Variants in ZNF208 observed in about 807,000 individuals in gnomAD.
ZNF208 encodes zinc finger protein 95.
ZNF208 carries 10 observed loss-of-function variants against 12.1 expected under a neutral mutation model. The observed-to-expected ratio is 0.83, with a 90% CI of 0.51 to 1.40. ZNF208 has a LOEUF of 1.40. ZNF208 is among the 40% of genes most tolerant of loss of function. ZNF208 has a pLI of 0.00. For synonymous variants in ZNF208, 497 were observed against 488.4 expected, an observed-to-expected ratio of 1.02 and a Z score of -0.23; for missense variants, 1,652 against 1,485.0, an observed-to-expected ratio of 1.11 and a Z score of -1.85.
chr19:21,979,253 A>C (rs1434865493), intron 3 of ZNF208, among the ~76,000 whole-genome samples: 1 of 152,184 alleles, frequency 6.6e-6, no homozygotes, highest in Non-Finnish European at 1.5e-5. Context: ...CCTCGAGAAG[A>C]GCAACCCCAA....
chr19:21,945,906 G>GA (rs36107625), intron 4 of ZNF208, among the ~76,000 whole-genome samples: 82,998 of 149,048 alleles, frequency 0.56, 23,165 homozygotes, highest in East Asian at 0.69. Flanking sequence ...AAGCAGCTTG[G>GA]AAAAAAAAAA....
chr19:22,002,873 AAG>A (rs1380136715), intron 1 of ZNF208, among the ~76,000 whole-genome samples: 1 of 152,234 alleles, frequency 6.6e-6, no homozygotes, highest in East Asian at 1.9e-4. Context: ...GGAACCAAAA[AAG>A]AGCCTGAATA....
intron 1 of ZNF208, among the ~76,000 whole-genome samples, chr19:21,990,233 T>C (rs1225701988): frequency 6.6e-6 from 1 of 152,194 alleles, no homozygotes; most frequent in African/African-American, 2.4e-5. Flanking sequence ...AGTTTAAGTC[T>C]TTAATCCATC....
At chr19:21,999,457 C>A (rs530067196) in intron 1 of ZNF208, among the ~76,000 whole-genome samples, 10 of 152,166 alleles carry the variant, frequency 6.6e-5, no homozygotes, top group Non-Finnish European at 1.5e-4. Flanking sequence ...AGTCTATACA[C>A]TGAACTCTTC....
At chr19:22,004,214 A>G (rs1353453113) in intron 1 of ZNF208, among the ~76,000 whole-genome samples, 1 of 151,844 alleles carries the variant, frequency 6.6e-6, no homozygotes, top group Non-Finnish European at 1.5e-5. Flanking sequence ...TTATTAATAA[A>G]CTTAATAAAA....
At chr19:21,960,508 C>T (rs1970046410) in intron 4 of ZNF208, among the ~76,000 whole-genome samples, 1 of 152,160 alleles carries the variant, frequency 6.6e-6, no homozygotes, top group African/African-American at 2.4e-5. Flanking sequence ...CAATGGAATG[C>T]TCTTTATTCC....
chr19:21,984,514 T>C (rs1260607251), intron 3 of ZNF208, among the ~76,000 whole-genome samples: 1 of 152,024 alleles, frequency 6.6e-6, no homozygotes, highest in Non-Finnish European at 1.5e-5. Flanking sequence ...GATAATGCCA[T>C]TGCACTCCAG....
In ZNF208 at chr19:21,974,464, T is replaced by C. The variant is rs770995253; in HGVS notation, c.570A>G (p.Gln190=). The change falls in exon 4 of 4, where the codon CAA becomes CAG. Residue 190 remains glutamine, a synonymous_variant. Transcript: ENST00000397126. The stretch of plus-strand genomic sequence containing the variant: ...TCTCTCTAGTATAAATTCTTTTATG[T>C]TGAGATAGGTGTGAAAGCATGCAAA... The part of the protein sequence containing the change: ...RSFCMLSHLS[Q]HKRIYTRENS... The C allele has an allele frequency of 2.5e-6, 4 of 1,613,610 alleles. No homozygotes were observed. In the African/African-American group the frequency reaches 5.3e-5, roughly 22 times the overall value.
At chr19:21,944,415 A>G (rs1226706173) in intron 4 of ZNF208, among the ~76,000 whole-genome samples, 1 of 152,232 alleles carries the variant, frequency 6.6e-6, no homozygotes, top group Admixed American at 6.5e-5. Context: ...GTTATTCCAC[A>G]ACAAATCATC....
intron 4 of ZNF208, among the ~76,000 whole-genome samples, chr19:21,941,900 T>TA (rs555889079): frequency 1.6e-4 from 24 of 148,726 alleles, no homozygotes; most frequent in East Asian, 5.9e-4. Context: ...AAAGACAACG[T>TA]AAAAAAAAAA....
rs778156623 is a variant in ZNF208, at chr19:21,971,678, C to T, written c.3356G>A (p.Gly1119Asp). The T allele has an allele frequency of 8.7e-6, 14 of 1,613,596 alleles. No individual in the cohort carries two copies. The highest frequency in any genetic ancestry group is 2.2e-5 in the South Asian group (2 of 91,066). Reference protein sequence around the residue: ...GEKPYKCEECGKSFSTFSILT... With the variant: ...GEKPYKCEECDKSFSTFSILT... ...GATTGAGAACGTACTAAAGCTTTTG[C>T]CACATTCTTCACATTTGTAGGGTTT... The change falls in exon 4 of 4, where the codon GGC (glycine) becomes GAC (aspartate). Residue 1119 changes from glycine (G) to aspartate (D), a missense_variant. Physicochemically the swap from Gly to Asp is moderately conservative, Grantham distance 94. Around this residue, in one of 3 missense-constraint regions of ZNF208, gnomAD observed 1,239 missense variants for 1,086.2 expected, o/e 1.14. Transcript: ENST00000397126.
intron 1 of ZNF208, among the ~76,000 whole-genome samples, chr19:22,010,117 G>A (rs1229811954): frequency 2.6e-5 from 4 of 151,984 alleles, no homozygotes; most frequent in Non-Finnish European, 5.9e-5. Context: ...CCCGGGAGGC[G>A]GAGCTTGCAG....
chr19:21,963,796 G>C (rs1338643424), downstream of ZNF208, among the ~76,000 whole-genome samples: 1 of 151,892 alleles, frequency 6.6e-6, no homozygotes, highest in African/African-American at 2.4e-5. Context: ...AATAGTAGTT[G>C]AATGTTTTTA....
At chr19:21,955,279 C>G (rs1417894066) in intron 4 of ZNF208, among the ~76,000 whole-genome samples, 1 of 152,188 alleles carries the variant, frequency 6.6e-6, no homozygotes, top group Non-Finnish European at 1.5e-5. Context: ...TCCATTTCAA[C>G]TTTGATGAAT....
chr19:21,942,691 C>T (rs1282744289), intron 4 of ZNF208, among the ~76,000 whole-genome samples: 1 of 151,942 alleles, frequency 6.6e-6, no homozygotes, highest in Non-Finnish European at 1.5e-5. Flanking sequence ...CACTGTCATC[C>T]GGGCTGGAAT....
At position 21,943,111 on chromosome 19, in the gene ZNF208, T is replaced by C. The variant is rs114998972; in HGVS notation, c.306-9874A>G. 7.4e-3 allele frequency among the ~76,000 whole-genome samples: 1,127 copies of C among 152,322 alleles called. 14 individuals are homozygous for C. Among genetic ancestry groups the C allele is most frequent in the African/African-American group, 0.026 (1,086 of 41,558 alleles). On this transcript the variant is annotated intron_variant, in intron 4 of 4. Coordinates refer to the ZNF208 transcript ENST00000599916. The stretch of plus-strand genomic sequence containing the variant: ...TAAAAAATCAACTGGAAGGCACTTT[T>C]ATAACCTTGCACCACGTAAGAAAAA...
At chr19:21,996,118 T>C (rs1315347701) in intron 1 of ZNF208, among the ~76,000 whole-genome samples, 2 of 152,178 alleles carry the variant, frequency 1.3e-5, no homozygotes, top group African/African-American at 4.8e-5. Flanking sequence ...ATATTCTAAA[T>C]AATATTTTAC....
At chr19:21,997,644 C>G (rs190831062) in intron 1 of ZNF208, 149 of 160,200 alleles carry the variant, frequency 9.3e-4, no homozygotes, top group Non-Finnish European at 1.6e-3. Flanking sequence ...ACTCCAGTGG[C>G]ACATCAGACA....
rs143154732 is a variant in ZNF208, at chr19:21,981,814, T to C, written c.226+5402A>G. 3.9e-5 allele frequency among the ~76,000 whole-genome samples: 6 copies of C among 152,218 alleles called. No homozygotes were observed. The East Asian group carries it at 7.7e-4, about 20-fold the overall frequency. On this transcript the variant is annotated intron_variant, in intron 3 of 3. Coordinates refer to ENST00000397126, the MANE Select transcript of ZNF208 (RefSeq NM_007153.3). ...TGATTGTATATTTAGAAAACCCCAC[T>C]GTCTCAGCCCAAGATCTCCCTAAAT...
Sources: allele counts gnomAD v4.1 joint callset (sites outside exome capture counted in the v4.1 genomes callset), GRCh38; gene constraint gnomAD v4.1.1; regional missense constraint gnomAD v4.1.1; transcripts MANE v1.5; gene names NCBI Gene and HGNC (gene_info 2026-07-23, HGNC 2026-07-21).